Variants in GREM2 observed in about 807,000 individuals in gnomAD.
The protein encoded by GREM2 is gremlin 2, DAN family BMP antagonist.
A neutral mutation model predicts 14.2 loss-of-function variants in GREM2; 11 were observed. That is an observed-to-expected ratio of 0.78 (90% CI 0.49 to 1.28). The LOEUF is 1.28. GREM2 is among the 50% of genes most tolerant of loss of function. The pLI is 0.00. For synonymous variants in GREM2, 98 were observed against 97.6 expected, an observed-to-expected ratio of 1.00 and a Z score of -0.02; for missense variants, 210 against 218.5, an observed-to-expected ratio of 0.96 and a Z score of 0.24.
chr1:240,502,259 AC>A (rs1322787357), intron 1 of GREM2, among the ~76,000 whole-genome samples: 1 of 152,184 alleles, frequency 6.6e-6, no homozygotes, highest in East Asian at 1.9e-4. Flanking sequence ...ACTTCAAGCT[AC>A]TTCATTATAC....
At chr1:240,535,780 T>C (rs1473367760) in intron 1 of GREM2, among the ~76,000 whole-genome samples, 1 of 106,018 alleles carries the variant, frequency 9.4e-6, no homozygotes, top group Non-Finnish European at 1.8e-5. Flanking sequence ...GCCTAGATGA[T>C]AAAGGGAGAC....
At chr1:240,582,446 A>AC (rs1247375042) in intron 1 of GREM2, among the ~76,000 whole-genome samples, 23 of 151,894 alleles carry the variant, frequency 1.5e-4, no homozygotes, top group African/African-American at 5.1e-4. Flanking sequence ...ACACACACAC[A>AC]AAAAAAGAGT....
intron 1 of GREM2, among the ~76,000 whole-genome samples, chr1:240,596,930 C>T (rs1679830284): frequency 6.6e-6 from 1 of 152,170 alleles, no homozygotes; most frequent in Non-Finnish European, 1.5e-5. Flanking sequence ...TAGTCACTTT[C>T]TCCGTCCTGC....
At chr1:240,524,978 C>T (rs755888222) in intron 1 of GREM2, among the ~76,000 whole-genome samples, 29 of 152,242 alleles carry the variant, frequency 1.9e-4, no homozygotes, top group Non-Finnish European at 3.4e-4. Flanking sequence ...ACTGAGACAC[C>T]GTGACCTTGG....
intron 1 of GREM2, among the ~76,000 whole-genome samples, chr1:240,607,464 A>G (rs1558182040): frequency 6.6e-6 from 1 of 152,148 alleles, no homozygotes. Flanking sequence ...TAGAAATGAC[A>G]TTGTAAGTGT....
Position 240,604,309 on chromosome 1 carries a change from A to ATGTGTGTGTG in GREM2, c.-2+7565_-2+7574dup, listed in dbSNP as rs61016634. Among the ~76,000 whole-genome samples the ATGTGTGTGTG allele has an allele frequency of 1.1e-3, 131 of 116,704 alleles. 1 individual carries two copies. Among genetic ancestry groups the ATGTGTGTGTG allele is most frequent in the African/African-American group, 1.6e-3 (63 of 38,846 alleles). The allele number at this position is 116,704 out of a possible 152,430, so 76.6% of individuals were successfully genotyped here. ...AGATCAGCTTTATATAACTATACGTATGTGTGTGTGTGTGTGTGTGTGTGT... is the reference window on the plus strand; with the variant it reads ...AGATCAGCTTTATATAACTATACGTATGTGTGTGTGTGTGTGTGTGTGTGTGTGTGTGTGT... On this transcript the variant is annotated intron_variant, in intron 1 of 1. Transcript: ENST00000318160.
intron 1 of GREM2, among the ~76,000 whole-genome samples, chr1:240,556,334 A>T (rs1053957868): frequency 6.6e-6 from 1 of 152,222 alleles, no homozygotes; most frequent in Non-Finnish European, 1.5e-5. Flanking sequence ...CCATCAGGGA[A>T]TAAAAAGGCC....
intron 1 of GREM2, among the ~76,000 whole-genome samples, chr1:240,583,666 A>G (rs1313180862): frequency 6.7e-6 from 1 of 149,716 alleles, no homozygotes; most frequent in African/African-American, 2.5e-5. Flanking sequence ...CAGTGACGCT[A>G]TCTCAGCTCA....
At chr1:240,566,554 A>T (rs958821231) in intron 1 of GREM2, among the ~76,000 whole-genome samples, 4 of 152,152 alleles carry the variant, frequency 2.6e-5, no homozygotes, top group Non-Finnish European at 5.9e-5. Flanking sequence ...AATTTGTGAG[A>T]TGAGAGAGAG....
chr1:240,506,801 C>T (rs528896248), intron 1 of GREM2, among the ~76,000 whole-genome samples: 3 of 152,228 alleles, frequency 2.0e-5, no homozygotes, highest in South Asian at 4.1e-4. Context: ...ACAAAGAAAC[C>T]GAAAGGGACA....
At chr1:240,546,621 C>T (rs1678725783) in intron 1 of GREM2, among the ~76,000 whole-genome samples, 1 of 152,136 alleles carries the variant, frequency 6.6e-6, no homozygotes, top group East Asian at 1.9e-4. Context: ...GTATGGACTA[C>T]AGAGAAGATT....
intron 1 of GREM2, among the ~76,000 whole-genome samples, chr1:240,539,113 G>C (rs536049217): frequency 5.3e-5 from 8 of 152,308 alleles, no homozygotes; most frequent in African/African-American, 1.9e-4. Context: ...CATTTGCCAT[G>C]TTAAAGCCAA....
At chr1:240,523,691 G>A (rs1002700848) in intron 1 of GREM2, among the ~76,000 whole-genome samples, 4 of 151,642 alleles carry the variant, frequency 2.6e-5, no homozygotes, top group Non-Finnish European at 4.4e-5. Context: ...TGTGTTATTT[G>A]CCACTACGTG....
intron 1 of GREM2, among the ~76,000 whole-genome samples, chr1:240,606,509 C>A (rs1680027810): frequency 6.6e-6 from 1 of 152,168 alleles, no homozygotes. Flanking sequence ...TATTCCTGGT[C>A]TTTCCTACTA....
chr1:240,574,918 C>T (rs565371715), intron 1 of GREM2, among the ~76,000 whole-genome samples: 2 of 152,090 alleles, frequency 1.3e-5, no homozygotes, highest in South Asian at 2.1e-4. Flanking sequence ...ACCATCCTAC[C>T]CAACATGATG....
At chr1:240,527,086 C>A (rs533777005) in intron 1 of GREM2, among the ~76,000 whole-genome samples, 1 of 152,286 alleles carries the variant, frequency 6.6e-6, no homozygotes, top group South Asian at 2.1e-4. Context: ...GAATTAAGTC[C>A]ATTTCCAGCA....
At chr1:240,537,861 TATA>T (rs1455612879) in intron 1 of GREM2, among the ~76,000 whole-genome samples, 1 of 152,140 alleles carries the variant, frequency 6.6e-6, no homozygotes, top group Non-Finnish European at 1.5e-5. Context: ...TTTATACAAA[TATA>T]ATATATTAAT....
At chr1:240,523,163 G>A (rs1678140867) in intron 1 of GREM2, among the ~76,000 whole-genome samples, 1 of 152,170 alleles carries the variant, frequency 6.6e-6, no homozygotes, top group East Asian at 1.9e-4. Flanking sequence ...CACGATCTCA[G>A]CTCACTGCAA....
At chr1:240,584,605 G>A (rs1225461617) in intron 1 of GREM2, among the ~76,000 whole-genome samples, 1 of 152,096 alleles carries the variant, frequency 6.6e-6, no homozygotes, top group African/African-American at 2.4e-5. Context: ...AGCTACTTGG[G>A]AGGCTGGAGA....
Sources: allele counts gnomAD v4.1 joint callset (sites outside exome capture counted in the v4.1 genomes callset), GRCh38; gene constraint gnomAD v4.1.1; transcripts MANE v1.5; gene names NCBI Gene and HGNC (gene_info 2026-07-23, HGNC 2026-07-21).